NARS2: variants seen among roughly 807,000 people sequenced by gnomAD.
NARS2 encodes asparaginyl-tRNA synthetase 2, mitochondrial.
Under a neutral mutation model 62.9 loss-of-function variants are expected in NARS2, and 60 were observed. That is an observed-to-expected ratio of 0.95 (90% CI 0.77 to 1.18). NARS2 has a LOEUF of 1.18. NARS2 is among the 50% of genes most tolerant of loss of function. The pLI is 0.00. For synonymous variants in NARS2, 196 were observed against 200.0 expected, an observed-to-expected ratio of 0.98 and a Z score of 0.17; for missense variants, 619 against 576.4, an observed-to-expected ratio of 1.07 and a Z score of -0.76.
chr11:78,531,099 C>T (rs1861461932), intron 5 of NARS2, among the ~76,000 whole-genome samples: 1 of 151,860 alleles, frequency 6.6e-6, no homozygotes, highest in African/African-American at 2.4e-5. Flanking sequence ...GGATAGGTAG[C>T]TCCAAAGGAC....
chr11:78,464,048 G>A (rs1216420936), intron 11 of NARS2, among the ~76,000 whole-genome samples: 11 of 152,144 alleles, frequency 7.2e-5, no homozygotes, highest in Admixed American at 6.5e-4. Flanking sequence ...CGGCGCGTCC[G>A]GAGTTTGTTC....
intron 5 of NARS2, among the ~76,000 whole-genome samples, chr11:78,554,206 G>C (rs1856242005): frequency 3.9e-5 from 6 of 152,094 alleles, no homozygotes; most frequent in Admixed American, 3.9e-4. Flanking sequence ...GATTGCCTTG[G>C]CTATCTGGGC....
chr11:78,440,516 T>C (rs1367552673), intron 13 of NARS2, among the ~76,000 whole-genome samples: 1 of 151,968 alleles, frequency 6.6e-6, no homozygotes, highest in African/African-American at 2.4e-5. Flanking sequence ...GGTGGTAGGA[T>C]GATTACATGA....
At chr11:78,449,133 G>GTTTTTT (rs201937471) in intron 11 of NARS2, among the ~76,000 whole-genome samples, 60 of 100,032 alleles carry the variant, frequency 6.0e-4, no homozygotes, top group Admixed American at 7.7e-4. Context: ...CCTAAAAAAT[G>GTTTTTT]TTTTTTTTTT....
chr11:78,467,223 G>C (rs2135218156), intron 10 of NARS2, among the ~76,000 whole-genome samples: 1 of 152,258 alleles, frequency 6.6e-6, no homozygotes, highest in African/African-American at 2.4e-5. Flanking sequence ...AGACCATGTG[G>C]TCTCTCTGGA....
At chr11:78,551,468 C>T (rs774230686) in intron 5 of NARS2, among the ~76,000 whole-genome samples, 2 of 152,204 alleles carry the variant, frequency 1.3e-5, no homozygotes, top group Non-Finnish European at 2.9e-5. Context: ...TGTGATGTGT[C>T]ACTGACTGCA....
At chr11:78,498,579 A>G (rs1860152499) in intron 6 of NARS2, among the ~76,000 whole-genome samples, 2 of 151,680 alleles carry the variant, frequency 1.3e-5, no homozygotes, top group Admixed American at 6.6e-5. Flanking sequence ...TGGTCCTTCC[A>G]CTTGTCACAA....
Position 78,571,643 on chromosome 11 carries a change from T to C in NARS2, c.142-199A>G, listed in dbSNP as rs181227953. On this transcript the variant is annotated intron_variant, in intron 1 of 13. Transcript: ENST00000281038. Reference sequence around the variant, plus strand: ...GATACACACTTTGGTATTCTATCTTTTGTTTTCGTAATAATGCACAACATT... The same window carrying C: ...GATACACACTTTGGTATTCTATCTTCTGTTTTCGTAATAATGCACAACATT... 8.5e-6 allele frequency: 4 copies of C among 473,068 alleles called. No individual in the cohort carries two copies. In the Admixed American group the frequency reaches 1.0e-4, roughly 12 times the overall value. The allele number at this position is 473,068 out of a possible 1,614,324, so 29.3% of individuals were successfully genotyped here. A position where few individuals can be genotyped will look rare whatever the true frequency, so the allele number is the denominator to read the frequency against.
At chr11:78,521,936 T>C (rs1037244105) in intron 6 of NARS2, among the ~76,000 whole-genome samples, 1 of 152,132 alleles carries the variant, frequency 6.6e-6, no homozygotes, top group African/African-American at 2.4e-5. Flanking sequence ...TCATAGTTAT[T>C]AGACAAATCA....
intron 5 of NARS2, among the ~76,000 whole-genome samples, chr11:78,539,670 G>A (rs554677140): frequency 3.9e-5 from 6 of 152,258 alleles, no homozygotes; most frequent in South Asian, 2.1e-4. Flanking sequence ...GAATAAAATC[G>A]CCAGGGGAGA....
chr11:78,487,618 G>A (rs1053530675), intron 7 of NARS2, among the ~76,000 whole-genome samples: 2 of 151,956 alleles, frequency 1.3e-5, no homozygotes, highest in Non-Finnish European at 2.9e-5. Context: ...TCACAAACAG[G>A]ATAAACTCGA....
chr11:78,567,177 T>C (rs954862626), intron 3 of NARS2, among the ~76,000 whole-genome samples: 20 of 152,124 alleles, frequency 1.3e-4, no homozygotes, highest in African/African-American at 4.8e-4. Flanking sequence ...AAGAATATAG[T>C]AGTCCCCCAC....
chr11:78,531,470 T>C (rs543409554), intron 5 of NARS2, among the ~76,000 whole-genome samples: 1 of 152,176 alleles, frequency 6.6e-6, no homozygotes, highest in Non-Finnish European at 1.5e-5. Flanking sequence ...AAAGTTAAAA[T>C]TGAGTTACTA....
intron 5 of NARS2, among the ~76,000 whole-genome samples, chr11:78,529,357 A>T (rs1404747781): frequency 6.6e-6 from 1 of 152,254 alleles, no homozygotes; most frequent in East Asian, 1.9e-4. Context: ...CATATTTATT[A>T]TTAAAATATT....
intron 5 of NARS2, among the ~76,000 whole-genome samples, chr11:78,544,831 T>C (rs1855791816): frequency 7.1e-6 from 1 of 140,910 alleles, no homozygotes. Context: ...ATACAGAAAA[T>C]TAGCTGCGCG....
At chr11:78,439,606 C>G (rs1003343596) in intron 13 of NARS2, among the ~76,000 whole-genome samples, 2 of 151,994 alleles carry the variant, frequency 1.3e-5, no homozygotes, top group Non-Finnish European at 2.9e-5. Flanking sequence ...AAACAAGACT[C>G]GGAGAGATTA....
intron 7 of NARS2, among the ~76,000 whole-genome samples, chr11:78,480,807 G>A (rs929553993): frequency 1.3e-5 from 2 of 151,588 alleles, no homozygotes; most frequent in Non-Finnish European, 2.9e-5. Context: ...AAAAAGGGGA[G>A]AAATGTTTAA....
rs188999028 is a variant in NARS2 at position 78,452,496 on chromosome 11, C to A, written c.1165-8738G>T. On this transcript the variant is annotated intron_variant, in intron 11 of 13. Coordinates refer to ENST00000281038, the MANE Select transcript of NARS2 (RefSeq NM_024678.6). ...GAGTGTGGCTCAATGCCGCCTTGAC[C>A]TCCCAGGCTCAAGCAATCCTCCTAA... 1.0e-3 allele frequency among the ~76,000 whole-genome samples: 158 copies of A among 152,214 alleles called. 2 individuals are homozygous for A. In the East Asian group the frequency reaches 0.023, roughly 22 times the overall value.
chr11:78,448,811 A>T (rs1308936946), intron 11 of NARS2, among the ~76,000 whole-genome samples: 2 of 152,194 alleles, frequency 1.3e-5, no homozygotes, highest in African/African-American at 4.8e-5. Context: ...GTTCATGAGC[A>T]TCAAATGAGA....
Sources: allele counts gnomAD v4.1 joint callset (sites outside exome capture counted in the v4.1 genomes callset), GRCh38; gene constraint gnomAD v4.1.1; transcripts MANE v1.5; gene names NCBI Gene and HGNC (gene_info 2026-07-23, HGNC 2026-07-21).